The following TAF1B variants were observed in gnomAD, a reference collection of about 807,000 sequenced individuals.
The protein encoded by TAF1B is TATA box-binding protein-associated factor RNA polymerase I subunit B.
In TAF1B, 61 loss-of-function variants were observed where a neutral mutation model predicts 83.9. The observed-to-expected ratio is 0.73, with a 90% CI of 0.59 to 0.90. TAF1B has a LOEUF of 0.90. Among genes scored for constraint, TAF1B ranks in the 40% least tolerant of loss-of-function variants. The pLI, the probability that TAF1B is intolerant of heterozygous loss-of-function variation, is 0.00. For synonymous variants in TAF1B, 221 were observed against 224.6 expected, an observed-to-expected ratio of 0.98 and a Z score of 0.14; for missense variants, 625 against 677.0, an observed-to-expected ratio of 0.92 and a Z score of 0.85.
intron 2 of TAF1B, among the ~76,000 whole-genome samples, chr2:9,847,505 C>A (rs1663242908): frequency 6.6e-6 from 1 of 152,162 alleles, no homozygotes; most frequent in South Asian, 2.1e-4. Flanking sequence ...CATGGTGCAA[C>A]TTGCCCTATT....
intron 6 of TAF1B, among the ~76,000 whole-genome samples, chr2:9,871,480 T>C (rs1466757389): frequency 6.6e-6 from 1 of 152,172 alleles, no homozygotes; most frequent in East Asian, 1.9e-4. Context: ...GATTACCCTC[T>C]CATTTTTGTG....
chr2:9,865,892 G>A (rs1220684969), intron 5 of TAF1B, among the ~76,000 whole-genome samples: 1 of 151,032 alleles, frequency 6.6e-6, no homozygotes, highest in Non-Finnish European at 1.5e-5. Flanking sequence ...TATGTAGAAA[G>A]CTGAAACTGG....
At chr2:9,926,471 A>G (rs1666042477) in intron 14 of TAF1B, among the ~76,000 whole-genome samples, 1 of 152,170 alleles carries the variant, frequency 6.6e-6, no homozygotes, top group Non-Finnish European at 1.5e-5. Context: ...TTGTGTATAG[A>G]CAGTGCCATA....
In TAF1B at chr2:9,911,171, T is replaced by C. The variant is rs557539098; in HGVS notation, c.1133+258T>C. On this transcript the variant is annotated intron_variant, in intron 10 of 14. Transcript: ENST00000263663. ...GTTGTTTGATCATGTTTTATACCTG[T>C]TATTCTTTAGGTAGCAATGTTCCTC... Among the ~76,000 whole-genome samples, 6 of 152,370 alleles carry C rather than the reference T, an allele frequency of 3.9e-5. No individual in the cohort carries two copies. The South Asian group carries it at 1.2e-3, about 32-fold the overall frequency.
chr2:9,874,415 T>C (rs1453609552), intron 6 of TAF1B, among the ~76,000 whole-genome samples: 1 of 152,176 alleles, frequency 6.6e-6, no homozygotes, highest in Admixed American at 6.6e-5. Context: ...GCTATTTTTC[T>C]ATGTAGCATC....
chr2:9,843,734 C>G, intron 1 of TAF1B, 175 bp downstream of exon 1: 1 of 633,256 alleles, frequency 1.6e-6, no homozygotes, highest in Non-Finnish European at 2.5e-6. Flanking sequence ...CGCATGCGCG[C>G]GCGGCTTTGG....
chr2:9,848,836 A>G (rs913730969), intron 2 of TAF1B, among the ~76,000 whole-genome samples: 4 of 152,196 alleles, frequency 2.6e-5, no homozygotes, highest in Non-Finnish European at 5.9e-5. Flanking sequence ...TCTGATATGA[A>G]TTATACTAAC....
chr2:9,860,888 C>T (rs1663730416), intron 5 of TAF1B, among the ~76,000 whole-genome samples: 1 of 152,140 alleles, frequency 6.6e-6, no homozygotes, highest in East Asian at 1.9e-4. Flanking sequence ...TTTTTCAAGG[C>T]ATTTTGCTGC....
intron 14 of TAF1B, among the ~76,000 whole-genome samples, chr2:9,923,594 A>G (rs921349846): frequency 1.3e-5 from 2 of 151,950 alleles, no homozygotes; most frequent in Non-Finnish European, 2.9e-5. Flanking sequence ...CAGGCGAATC[A>G]CTTGAACCCA....
intron 8 of TAF1B, among the ~76,000 whole-genome samples, chr2:9,886,140 G>A (rs1477113913): frequency 6.6e-6 from 1 of 152,020 alleles, no homozygotes; most frequent in East Asian, 1.9e-4. Context: ...ATGGCAATAG[G>A]CTCCCTTCCA....
intron 8 of TAF1B, among the ~76,000 whole-genome samples, chr2:9,896,339 T>G (rs764549856): frequency 5.3e-5 from 8 of 152,338 alleles, no homozygotes; most frequent in East Asian, 3.9e-4. Context: ...GTGCATTCAC[T>G]ATTCTATAGT....
intron 12 of TAF1B, among the ~76,000 whole-genome samples, chr2:9,918,767 C>CA (rs1486298721): frequency 6.6e-6 from 1 of 152,204 alleles, no homozygotes; most frequent in East Asian, 1.9e-4. Flanking sequence ...GTGAAGGAAA[C>CA]AGTTTCTATG....
intron 12 of TAF1B, among the ~76,000 whole-genome samples, chr2:9,916,837 CTT>C (rs371475463): frequency 0.4 from 38,075 of 96,118 alleles, 6,528 homozygotes; most frequent in Admixed American, 0.5. Context: ...CCTTTCTGTT[CTT>C]TTTTTTTTTT....
chr2:9,860,542 G>A (rs764961992), intron 5 of TAF1B, among the ~76,000 whole-genome samples: 6 of 152,110 alleles, frequency 3.9e-5, no homozygotes, highest in South Asian at 2.1e-4. Context: ...CTGTAAGACC[G>A]GATGACATCA....
chr2:9,876,600 T>C (rs568985061), intron 7 of TAF1B, among the ~76,000 whole-genome samples: 4 of 152,358 alleles, frequency 2.6e-5, no homozygotes, highest in Admixed American at 6.5e-5. Context: ...AAAATTCTTA[T>C]GTGCTGATTT....
chr2:9,843,555 AGGCG>A lies in TAF1B; in HGVS notation c.16_18+1del. On this transcript the variant is annotated frameshift_variant and splice_region_variant, in exon 1 of 15. Transcript: ENST00000263663. LOFTEE classifies it high-confidence loss of function. ...CGCGGCGCCGCGATGGACCTCGAGG[AGGCG>A]GTAAGGAGGCGGTGCACCTGGCGGG... 2.0e-6 allele frequency: 3 copies of A among 1,525,728 alleles called. No individual in the cohort carries two copies. The South Asian group carries it at 3.6e-5, about 19-fold the overall frequency. The allele number at this position is 1,525,728 out of a possible 1,614,324, so 94.5% of individuals were successfully genotyped here.
At chr2:9,845,862 A>C in intron 2 of TAF1B, 4 of 307,922 alleles carry the variant, frequency 1.3e-5, no homozygotes, top group South Asian at 1.2e-4. Flanking sequence ...ATGCGCCTGT[A>C]GTCCCAGCTA....
chr2:9,893,285 C>A (rs2125162518), intron 8 of TAF1B, among the ~76,000 whole-genome samples: 1 of 152,224 alleles, frequency 6.6e-6, no homozygotes, highest in East Asian at 1.9e-4. Flanking sequence ...ATTTCTGCGT[C>A]ATTGATTATA....
At chr2:9,906,357 C>T (rs898292233) in intron 9 of TAF1B, among the ~76,000 whole-genome samples, 2 of 151,988 alleles carry the variant, frequency 1.3e-5, no homozygotes, top group African/African-American at 4.8e-5. Flanking sequence ...ACATTATTGT[C>T]ATTTGATATT....
Sources: gnomAD v4.1 joint callset for allele counts (sites outside exome capture counted in the v4.1 genomes callset) on GRCh38, gnomAD v4.1.1 for gene constraint, MANE v1.5 for transcripts, NCBI Gene and HGNC (gene_info 2026-07-23, HGNC 2026-07-21) for gene names.